Variants in SORCS2 observed in about 807,000 individuals in gnomAD.
SORCS2 encodes the protein sortilin related VPS10 domain containing receptor 2, also known as VPS10 domain-containing receptor SorCS2.
Under a neutral mutation model 141.6 loss-of-function variants are expected in SORCS2, and 100 were observed. The observed-to-expected ratio is 0.71, with a 90% confidence interval of 0.60 to 0.83. The LOEUF is 0.83. SORCS2 is among the 40% of genes least tolerant of loss of function. The pLI is 0.00. For synonymous variants in SORCS2, 789 were observed against 676.9 expected (o/e 1.17, Z -2.57); for missense variants, 1,646 against 1,560.2 (o/e 1.05, Z -0.93).
At chr4:7,323,126 C>T (rs923939985) in intron 1 of SORCS2, among the ~76,000 whole-genome samples, 2 of 152,184 alleles carry the variant, frequency 1.3e-5, no homozygotes, top group East Asian at 3.8e-4. Context: ...TTAATAACCG[C>T]CAGTTTTGCA....
rs1199886468 is a variant in SORCS2, at chr4:7,664,376, ATCC to A, written c.977_979del (p.Ile326_His327delinsAsn). 6.2e-7 allele frequency: 1 copy of A among 1,613,774 alleles called. No homozygotes were observed. Among genetic ancestry groups the A allele is most frequent in the Non-Finnish European group, 8.5e-7 (1 of 1,179,822 alleles). ...AGATTTTCGGTACGTCACCTGCGCA[ATCC>A]ACAATTGCTCCGAGAAGATGCTGAC... is the stretch of plus-strand genomic sequence containing the variant. On this transcript the variant is annotated inframe_deletion, in exon 7 of 27. Transcript: ENST00000507866. This position sits in a 1 kb window ranked among gnomAD's most constrained non-coding sequence, Gnocchi z 4.7.
intron 1 of SORCS2, among the ~76,000 whole-genome samples, chr4:7,299,047 T>C (rs1717261617): frequency 2.0e-5 from 3 of 152,208 alleles, no homozygotes; most frequent in South Asian, 4.1e-4. Flanking sequence ...CGCCACCCCC[T>C]CTTGGGTCCC....
intron 1 of SORCS2, among the ~76,000 whole-genome samples, chr4:7,395,530 C>T (rs945023727): frequency 3.3e-5 from 5 of 152,314 alleles, no homozygotes; most frequent in African/African-American, 9.6e-5. Flanking sequence ...CCTTATTCCC[C>T]ACCCCCCAAC....
chr4:7,198,334 T>C (rs1000697771), intron 1 of SORCS2, among the ~76,000 whole-genome samples: 2 of 152,210 alleles, frequency 1.3e-5, no homozygotes, highest in Non-Finnish European at 2.9e-5. Flanking sequence ...CAAAGCTGAC[T>C]TGAAGCCTCG....
At chr4:7,250,550 G>A (rs1236551129) in intron 1 of SORCS2, among the ~76,000 whole-genome samples, 1 of 152,230 alleles carries the variant, frequency 6.6e-6, no homozygotes. Context: ...TGGATCCTGT[G>A]GAATAACTAC....
At chr4:7,641,593 T>C (rs1460234152) in intron 4 of SORCS2, among the ~76,000 whole-genome samples, 1 of 152,172 alleles carries the variant, frequency 6.6e-6, no homozygotes, top group Non-Finnish European at 1.5e-5. Context: ...TACATGCAAT[T>C]GGGGTAAGCT....
intron 17 of SORCS2, among the ~76,000 whole-genome samples, chr4:7,717,267 TC>T (rs547696758): frequency 1.2e-3 from 190 of 152,234 alleles, no homozygotes; most frequent in African/African-American, 4.2e-3. Context: ...CTGCTCATCC[TC>T]CCATTCTCGC....
intron 1 of SORCS2, among the ~76,000 whole-genome samples, chr4:7,237,588 C>G (rs1049745735): frequency 2.0e-5 from 3 of 152,070 alleles, no homozygotes; most frequent in Non-Finnish European, 2.9e-5. Flanking sequence ...CTATTATGGA[C>G]CAGGTATTGA....
At chr4:7,293,079 C>T (rs901554443) in intron 1 of SORCS2, among the ~76,000 whole-genome samples, 7 of 151,990 alleles carry the variant, frequency 4.6e-5, no homozygotes, top group African/African-American at 1.2e-4. Context: ...CCGAGGCGGG[C>T]GGATCATGAG....
intron 1 of SORCS2, among the ~76,000 whole-genome samples, chr4:7,227,041 G>GCTCTTATGCACCTGTGGGTA (rs1304089191): frequency 3.9e-5 from 6 of 152,146 alleles, no homozygotes; most frequent in Admixed American, 6.5e-5. Context: ...CAGCACACCT[G>GCTCTTATGCACCTGTGGGTA]CTCTTATGCA....
At chr4:7,348,668 C>T (rs1720772725) in intron 1 of SORCS2, among the ~76,000 whole-genome samples, 1 of 152,352 alleles carries the variant, frequency 6.6e-6, no homozygotes, top group South Asian at 2.1e-4. Flanking sequence ...TCTCCTGCCT[C>T]AGCCTCCAGA....
At position 7,514,231 on chromosome 4, in the gene SORCS2, C is replaced by A. The variant is rs534544555; in HGVS notation, c.549-17299C>A. 6.4e-4 allele frequency among the ~76,000 whole-genome samples: 97 copies of A among 152,208 alleles called. 1 individual carries two copies. Among genetic ancestry groups the A allele is most frequent in the Non-Finnish European group, 1.1e-3 (77 of 68,014 alleles). ...ACCTGACTTGTGACCAGGGTTGCTGCGTACAGCATCGAAGGAAGGAAGACT... is the reference window on the plus strand; with the variant it reads ...ACCTGACTTGTGACCAGGGTTGCTGAGTACAGCATCGAAGGAAGGAAGACT... On this transcript the variant is annotated intron_variant, in intron 2 of 26. Transcript: ENST00000507866.
intron 2 of SORCS2, among the ~76,000 whole-genome samples, chr4:7,484,783 C>A (rs2109382360): frequency 6.6e-6 from 1 of 152,190 alleles, no homozygotes; most frequent in South Asian, 2.1e-4. Flanking sequence ...ACCCAGCCCT[C>A]CTGCACCCAG....
chr4:7,533,272 A>T (rs77869931), intron 3 of SORCS2, among the ~76,000 whole-genome samples: 7,506 of 152,140 alleles, frequency 0.049, 223 homozygotes, highest in Middle Eastern at 0.092. Flanking sequence ...CCCAAACCCT[A>T]TGGAAGCAGG....
intron 1 of SORCS2, among the ~76,000 whole-genome samples, chr4:7,348,946 T>C (rs1720788110): frequency 1.3e-5 from 2 of 152,202 alleles, no homozygotes; most frequent in Admixed American, 6.5e-5. Context: ...GAAACACATT[T>C]GGAGCATGAT....
chr4:7,374,117 TTCTTTCTTTCCC>T (rs57434678), intron 1 of SORCS2, among the ~76,000 whole-genome samples: 9,511 of 35,544 alleles, frequency 0.27, 642 homozygotes, highest in East Asian at 0.5. Flanking sequence ...GATTCTTTCT[TTCTTTCTTTCCC>T]TCTTTCTTTC....
chr4:7,639,561 G>A (rs951750221), intron 4 of SORCS2, among the ~76,000 whole-genome samples: 3 of 150,746 alleles, frequency 2.0e-5, no homozygotes, highest in Non-Finnish European at 1.5e-5. Context: ...GTGTGACTGT[G>A]GGTGCATGTG....
Position 7,233,536 on chromosome 4 carries a change from A to G in SORCS2, c.480+40410A>G, listed in dbSNP as rs1304447670. On this transcript the variant is annotated intron_variant, in intron 1 of 26. Transcript: ENST00000507866. The surrounding 1 kb of genome is among the most constrained non-coding windows in gnomAD (Gnocchi z 4.5). ...CTTGCTGGGTTCAGGGTGAGCAGAC[A>G]CTGGCAGCTGTGGTGGTGGGTGGAC... Among the ~76,000 whole-genome samples the G allele has an allele frequency of 2.0e-5, 3 of 152,164 alleles. No homozygotes were observed. The highest frequency in any genetic ancestry group is 4.4e-5 in the Non-Finnish European group (3 of 68,018).
At chr4:7,599,288 G>A (rs1376486334) in intron 3 of SORCS2, among the ~76,000 whole-genome samples, 4 of 152,172 alleles carry the variant, frequency 2.6e-5, no homozygotes, top group African/African-American at 9.7e-5. Flanking sequence ...GCCAACTGGT[G>A]TGGTCTCCCC....
Sources: gnomAD v4.1 joint callset for allele counts (sites outside exome capture counted in the v4.1 genomes callset) on GRCh38, gnomAD v4.1.1 for gene constraint, Gnocchi (gnomAD v3.1) non-coding constraint, MANE v1.5 for transcripts, NCBI Gene and HGNC (gene_info 2026-07-23, HGNC 2026-07-21) for gene names.